The following OLFM2 variants were observed in gnomAD, a reference collection of about 807,000 sequenced individuals.
OLFM2 encodes olfactomedin 2.
OLFM2 carries 20 observed loss-of-function variants against 43.9 expected under a neutral mutation model. The ratio of observed to expected loss-of-function variants is 0.46; its 90% CI spans 0.32 to 0.66. OLFM2 has a LOEUF of 0.66. Ranked by LOEUF, OLFM2 falls within the 30% of genes least tolerant of loss-of-function variation. OLFM2 has a pLI of 0.04. For synonymous variants in OLFM2, 268 were observed against 278.6 expected (o/e 0.96, Z 0.38); for missense variants, 416 against 643.6 (o/e 0.65, Z 3.83).
intron 1 of OLFM2, among the ~76,000 whole-genome samples, chr19:9,883,237 A>G (rs1034312596): frequency 3.4e-5 from 5 of 148,968 alleles, no homozygotes; most frequent in Non-Finnish European, 5.9e-5. Context: ...GTGGCCAAGG[A>G]GATCATGAAA....
chr19:9,916,799 A>ACC (rs1189529266), intron 1 of OLFM2, among the ~76,000 whole-genome samples: 2 of 151,962 alleles, frequency 1.3e-5, no homozygotes, highest in Admixed American at 1.3e-4. Flanking sequence ...AACTCTTCTC[A>ACC]CCAAAGGTGC....
At chr19:9,917,946 TCTGCTCA>T (rs2086396331) in intron 1 of OLFM2, among the ~76,000 whole-genome samples, 2 of 151,610 alleles carry the variant, frequency 1.3e-5, no homozygotes, top group Admixed American at 1.3e-4. Context: ...TGGTGAAATC[TCTGCTCA>T]CTGCAACCTC....
At chr19:9,880,599 AAAAT>A (rs1568373868) in intron 1 of OLFM2, among the ~76,000 whole-genome samples, 2 of 152,108 alleles carry the variant, frequency 1.3e-5, no homozygotes, top group African/African-American at 2.4e-5. Context: ...CCCATCTCTA[AAAAT>A]AAATAAATAA....
intron 1 of OLFM2, 127 bp downstream of exon 1, chr19:9,936,177 C>G: frequency 2.8e-6 from 3 of 1,061,236 alleles, no homozygotes; most frequent in Non-Finnish European, 4.0e-6. Flanking sequence ...GCTGCGACCC[C>G]CGCCCCTCGC....
intron 1 of OLFM2, among the ~76,000 whole-genome samples, chr19:9,867,701 G>A (rs1395577123): frequency 6.6e-6 from 1 of 152,054 alleles, no homozygotes; most frequent in Non-Finnish European, 1.5e-5. Flanking sequence ...AGATATTTTT[G>A]GAGGACAGCC....
chr19:9,885,359 G>T (rs983535366), intron 1 of OLFM2, among the ~76,000 whole-genome samples: 1 of 152,198 alleles, frequency 6.6e-6, no homozygotes, highest in African/African-American at 2.4e-5. Flanking sequence ...CAAGAGAGCT[G>T]AGAACATGGT....
rs56281493 is a variant in OLFM2, at chr19:9,904,152, T to TTGTGTGTGTG, written c.63+32142_63+32151dup. ...CCTCCAATCCCAGGCTGAGTATTGT[T>TTGTGTGTGTG]TGTGTGTGTGTGTGTGTGTGTGTGT... On this transcript the variant is annotated intron_variant, in intron 1 of 5. Transcript: ENST00000264833. Among the ~76,000 whole-genome samples, 685 of 127,254 alleles carry TTGTGTGTGTG rather than the reference T, an allele frequency of 5.4e-3. 6 individuals carry two copies. The highest frequency in any genetic ancestry group is 8.1e-3 in the Admixed American group (95 of 11,798). 83.5% of individuals were successfully genotyped at this position (127,254 alleles called of 152,430 possible).
chr19:9,928,339 T>C (rs1469874972), intron 1 of OLFM2, among the ~76,000 whole-genome samples: 2 of 152,248 alleles, frequency 1.3e-5, no homozygotes, highest in African/African-American at 2.4e-5. Context: ...GCCATTTCAT[T>C]TGATGGCTGA....
chr19:9,872,547 C>T (rs1227136348), intron 1 of OLFM2, among the ~76,000 whole-genome samples: 2 of 151,680 alleles, frequency 1.3e-5, no homozygotes. Flanking sequence ...AGTTCACCCG[C>T]GCCATGCTGG....
chr19:9,931,595 G>A (rs1178342859), intron 1 of OLFM2, among the ~76,000 whole-genome samples: 1 of 151,282 alleles, frequency 6.6e-6, no homozygotes, highest in African/African-American at 2.4e-5. Flanking sequence ...CAGCTACTCG[G>A]GAGGCTGAGG....
At chr19:9,914,622 G>A (rs114459176) in intron 1 of OLFM2, among the ~76,000 whole-genome samples, 1 of 151,674 alleles carries the variant, frequency 6.6e-6, no homozygotes, top group South Asian at 2.1e-4. Context: ...CTTTGGGTGG[G>A]GGCGGGGCAC....
intron 1 of OLFM2, among the ~76,000 whole-genome samples, chr19:9,894,075 T>G (rs1568378378): frequency 6.6e-6 from 1 of 151,852 alleles, no homozygotes; most frequent in African/African-American, 2.4e-5. Flanking sequence ...GATGGATCAC[T>G]TGAGGCCAGG....
In OLFM2 at chr19:9,935,377, C is replaced by T. The variant is rs150105137; in HGVS notation, c.63+927G>A. 1.3e-3 allele frequency among the ~76,000 whole-genome samples: 195 copies of T among 152,164 alleles called. 4 individuals are homozygous for T. In the East Asian group the frequency reaches 0.033, roughly 25 times the overall value. The stretch of plus-strand genomic sequence containing the variant: ...TTCCAATAGCAAAAGAGAGCGTGGA[C>T]GCCCCACATTTTGCAAGCCTCCCTG... On this transcript the variant is annotated intron_variant, in intron 1 of 5. Coordinates refer to ENST00000264833, the MANE Select transcript of OLFM2 (RefSeq NM_058164.4).
At chr19:9,864,057 A>C (rs933418660) in intron 1 of OLFM2, among the ~76,000 whole-genome samples, 8 of 152,220 alleles carry the variant, frequency 5.3e-5, no homozygotes, top group African/African-American at 1.7e-4. Flanking sequence ...GCCACAGCCA[A>C]GAGCTTTCTC....
intron 1 of OLFM2, among the ~76,000 whole-genome samples, chr19:9,905,512 G>A (rs1490859282): frequency 6.6e-6 from 1 of 151,700 alleles, no homozygotes; most frequent in Non-Finnish European, 1.5e-5. Context: ...ATGGTGGCAG[G>A]TGCCTGTAGT....
At chr19:9,906,293 G>T (rs952226367) in intron 1 of OLFM2, among the ~76,000 whole-genome samples, 1 of 151,086 alleles carries the variant, frequency 6.6e-6, no homozygotes, top group Non-Finnish European at 1.5e-5. Context: ...GGAGGCTGCG[G>T]GCACACAGGG....
intron 2 of OLFM2, among the ~76,000 whole-genome samples, 167 bp downstream of exon 2, chr19:9,860,477 GA>G (rs34449861): frequency 1.6e-3 from 221 of 137,918 alleles, no homozygotes; most frequent in African/African-American, 4.3e-3. Context: ...GTGTTAAAAG[GA>G]AAAAAAAAAA....
intron 1 of OLFM2, chr19:9,913,701 A>C: frequency 3.8e-6 from 4 of 1,049,910 alleles, no homozygotes; most frequent in Admixed American, 5.9e-5. Flanking sequence ...CTCGACACCC[A>C]GGCGCCCCGG....
intron 1 of OLFM2, among the ~76,000 whole-genome samples, chr19:9,873,829 T>A (rs1214178495): frequency 4.4e-5 from 2 of 45,316 alleles, no homozygotes; most frequent in African/African-American, 1.8e-4. Context: ...TTTTTTTTTT[T>A]TTGTAGAGAC....
Sources: gnomAD v4.1 joint callset for allele counts (sites outside exome capture counted in the v4.1 genomes callset) on GRCh38, gnomAD v4.1.1 for gene constraint, MANE v1.5 for transcripts, NCBI Gene and HGNC (gene_info 2026-07-23, HGNC 2026-07-21) for gene names.